The following GTF3C3 variants were observed in gnomAD, a reference collection of about 807,000 sequenced individuals.
GTF3C3 encodes the protein general transcription factor IIIC subunit 3.
GTF3C3 carries 75 observed loss-of-function variants against 105.2 expected under a neutral mutation model. The ratio of observed to expected loss-of-function variants is 0.71; its 90% CI spans 0.59 to 0.86. The LOEUF is 0.86. Among genes scored for constraint, GTF3C3 ranks in the 40% least tolerant of loss-of-function variants. The probability of loss-of-function intolerance (pLI) is 0.00; values close to 1 mark genes in which losing one functional copy is unlikely to be tolerated. For missense variants in GTF3C3, 856 were observed against 1,076.5 expected, an observed-to-expected ratio of 0.80 and a Z score of 2.87; for synonymous variants, 335 against 370.4, an observed-to-expected ratio of 0.90 and a Z score of 1.10.
chr2:196,769,425 T>C (rs1381327047), intron 16 of GTF3C3, among the ~76,000 whole-genome samples: 2 of 152,252 alleles, frequency 1.3e-5, no homozygotes, highest in Non-Finnish European at 2.9e-5. Context: ...TGCTGGACTT[T>C]ATACTTTTAT....
In GTF3C3 at chr2:196,776,461, T is replaced by C. The variant is rs1157427946; in HGVS notation, c.1559A>G (p.Asp520Gly). Reference protein sequence around the residue: ...LEALEPMYDPDTLAQDANAAQ... With the variant: ...LEALEPMYDPGTLAQDANAAQ... ...AGCATTTGCATCCTGTGCTAAAGTA[T>C]CTGGATCATACATTGGTTCCAGAGC... Residue 520 changes from aspartate (D) to glycine (G), a missense_variant, in exon 11 of 18, where the codon GAT (aspartate) becomes GGT (glycine). By Grantham distance (94) the Asp-to-Gly change is moderately conservative. Around this residue, in one of 3 missense-constraint regions of GTF3C3, gnomAD observed 605 missense variants for 833.6 expected, o/e 0.73. Coordinates refer to ENST00000263956, the MANE Select transcript of GTF3C3 (RefSeq NM_012086.5). This position sits in a 1 kb window ranked among gnomAD's most constrained non-coding sequence, Gnocchi z 4.5. The C allele has an allele frequency of 6.2e-7, 1 of 1,614,034 alleles. No homozygotes were observed. The highest frequency in any genetic ancestry group is 8.5e-7 in the Non-Finnish European group (1 of 1,180,024).
rs1445781680 is a variant in GTF3C3 at position 196,780,688 on chromosome 2, G to A, written c.1115-26C>T. 3 of 1,602,188 alleles carry A rather than the reference G, an allele frequency of 1.9e-6. No homozygotes were observed. The Admixed American group carries it at 5.1e-5, about 27-fold the overall frequency. On this transcript the variant is annotated intron_variant, in intron 8 of 17. Coordinates refer to ENST00000263956, the MANE Select transcript of GTF3C3 (RefSeq NM_012086.5). ...CTGGAGAATACACAGACAAGAAGCA[G>A]TTACTATATGCAAGCTTGAGATGTG...
At position 196,771,084 on chromosome 2, in the gene GTF3C3, T is replaced by C. The variant is rs10931755; in HGVS notation, c.2260+664A>G. ...TTTTAAGTTTAAACATTTAGTTAGT[T>C]AGATGTTTTTCTACTTGTTTGCTTC... On this transcript the variant is annotated intron_variant, in intron 15 of 17. Transcript: ENST00000263956. Among the ~76,000 whole-genome samples, 167 of 152,310 alleles carry C rather than the reference T, an allele frequency of 1.1e-3. No homozygotes were observed. In the East Asian group the frequency reaches 0.019, roughly 17 times the overall value.
At chr2:196,770,357 G>C (rs1201435361) in intron 15 of GTF3C3, among the ~76,000 whole-genome samples, 1 of 152,086 alleles carries the variant, frequency 6.6e-6, no homozygotes, top group African/African-American at 2.4e-5. Flanking sequence ...TCTATTTTAT[G>C]ACCTTAAATC....
rs1699259144 is a variant in GTF3C3, at chr2:196,776,365, G to C, written c.1593+62C>G. 1.5e-6 allele frequency: 2 copies of C among 1,339,534 alleles called. No individual in the cohort carries two copies. Among genetic ancestry groups the C allele is most frequent in the East Asian group, 4.6e-5 (2 of 43,324 alleles). 83.0% of individuals were successfully genotyped at this position (1,339,534 alleles called of 1,614,324 possible). A position where few individuals can be genotyped will look rare whatever the true frequency, so the allele number is the denominator to read the frequency against. On this transcript the variant is annotated intron_variant, in intron 11 of 17. Coordinates refer to ENST00000263956, the MANE Select transcript of GTF3C3 (RefSeq NM_012086.5). This position sits in a 1 kb window ranked among gnomAD's most constrained non-coding sequence, Gnocchi z 4.5. The stretch of plus-strand genomic sequence containing the variant: ...ATAAGCTATAGAGACATCCTTAATG[G>C]AGGAGAAAGTTCTAAAATATAATAT...
chr2:196,778,542 A>G (rs1455491931), intron 10 of GTF3C3: 1 of 225,142 alleles, frequency 4.4e-6, no homozygotes, highest in Non-Finnish European at 8.8e-6. Context: ...TTTTCCCAAT[A>G]TAACATATTA....
Position 196,767,223 on chromosome 2 carries a change from A to AT in GTF3C3, c.2386-507dup, listed in dbSNP as rs761513251. Among the ~76,000 whole-genome samples the AT allele has an allele frequency of 4.4e-4, 67 of 152,246 alleles. 1 individual carries two copies. Among genetic ancestry groups the AT allele is most frequent in the Non-Finnish European group, 7.8e-4 (53 of 68,000 alleles). ...TAACCTCTTAACCCAAAAAAACTGGATTTTTTTCTCCTGAAAGCTTCTGAC... is the reference window on the plus strand; with the variant it reads ...TAACCTCTTAACCCAAAAAAACTGGATTTTTTTTCTCCTGAAAGCTTCTGAC... On this transcript the variant is annotated intron_variant, in intron 16 of 17. Coordinates refer to ENST00000263956, the MANE Select transcript of GTF3C3 (RefSeq NM_012086.5).
At chr2:196,784,672 G>C (rs1199171413) in intron 8 of GTF3C3, 185 bp downstream of exon 8, 1 of 402,880 alleles carries the variant, frequency 2.5e-6, no homozygotes, top group African/African-American at 2.2e-5. Context: ...TTTTTTTAAA[G>C]ATTACTTGTA....
At chr2:196,771,593 T>G (rs1699176853) in intron 15 of GTF3C3, among the ~76,000 whole-genome samples, 155 bp downstream of exon 15, 1 of 152,256 alleles carries the variant, frequency 6.6e-6, no homozygotes, top group Non-Finnish European at 1.5e-5. Flanking sequence ...GGTCCAATTA[T>G]TATCTCCATT....
intron 17 of GTF3C3, among the ~76,000 whole-genome samples, chr2:196,765,403 A>C (rs1699043423): frequency 6.6e-6 from 1 of 152,090 alleles, no homozygotes; most frequent in Non-Finnish European, 1.5e-5. Context: ...CACTGTATAA[A>C]CAACCTTTAA....
At chr2:196,767,638 T>A (rs1699090629) in intron 16 of GTF3C3, among the ~76,000 whole-genome samples, 1 of 152,220 alleles carries the variant, frequency 6.6e-6, no homozygotes, top group South Asian at 2.1e-4. Context: ...TCATACTTTC[T>A]GCATAATAAA....
At chr2:196,791,504 T>A in intron 3 of GTF3C3, 44 bp from the exon 4 acceptor site, 1 of 1,516,092 alleles carries the variant, frequency 6.6e-7, no homozygotes, top group Non-Finnish European at 9.0e-7. Context: ...TATAGTGAAG[T>A]CTTAGATTTC....
rs374583173 is a variant in GTF3C3 at position 196,773,100 on chromosome 2, G to A, written c.1885C>T (p.Leu629=). The change falls in exon 14 of 18, where the codon CTG becomes TTG. Residue 629 remains leucine, a synonymous_variant. Transcript: ENST00000263956. Reference sequence around the variant, plus strand: ...CATAAGGAGTATATGGCCTTCAACAGAAGATTCCACCAGTCATCCTTTGTC... The same window carrying A: ...CATAAGGAGTATATGGCCTTCAACAAAAGATTCCACCAGTCATCCTTTGTC... ...VLTKDDWWNL[L]LKAIYSLCDL... The A allele has an allele frequency of 1.9e-6, 3 of 1,612,942 alleles. No individual in the cohort carries two copies. The African/African-American group carries it at 4.0e-5, about 22-fold the overall frequency.
chr2:196,779,090 A>C (rs1482375444), intron 9 of GTF3C3, 23 bp from the exon 10 acceptor site: 1 of 1,599,644 alleles, frequency 6.3e-7, no homozygotes, highest in African/African-American at 1.3e-5. Context: ...TAAAAGCCCC[A>C]AGTTAAACAT....
At chr2:196,799,355 G>A (rs1699706175) in intron 1 of GTF3C3, 155 bp downstream of exon 1, 1 of 629,622 alleles carries the variant, frequency 1.6e-6, no homozygotes, top group East Asian at 2.7e-5. Context: ...GCACAGGGAT[G>A]AGGGGTGAAA....
chr2:196,779,102 C>G lies in GTF3C3; in HGVS notation c.1219-35G>C. The G allele has an allele frequency of 2.7e-6, 4 of 1,493,930 alleles. No homozygotes were observed. The South Asian group carries it at 3.4e-5, about 13-fold the overall frequency. 92.5% of individuals were successfully genotyped at this position (1,493,930 alleles called of 1,614,324 possible). On this transcript the variant is annotated intron_variant, in intron 9 of 17. Coordinates refer to ENST00000263956, the MANE Select transcript of GTF3C3 (RefSeq NM_012086.5). ...AAATAAAAGCCCCAAGTTAAACATT[C>G]ATTACAAACGTGCACATCTATCTAT...
At chr2:196,768,800 G>A (rs1457174388) in intron 16 of GTF3C3, among the ~76,000 whole-genome samples, 1 of 151,938 alleles carries the variant, frequency 6.6e-6, no homozygotes, top group South Asian at 2.1e-4. Context: ...TGAAGTACAT[G>A]AATTTTTGTC....
At chr2:196,787,026 T>TTTC (rs1004841876) in intron 6 of GTF3C3, among the ~76,000 whole-genome samples, 2 of 152,254 alleles carry the variant, frequency 1.3e-5, no homozygotes, top group Admixed American at 6.5e-5. Flanking sequence ...CTCCCAGCTG[T>TTTC]TTCTTCTTCT....
Position 196,772,925 on chromosome 2 carries a change from T to A in GTF3C3, c.2060A>T (p.Asn687Ile). Residue 687 changes from asparagine (N) to isoleucine (I), a missense_variant, in exon 14 of 18, where the codon AAC becomes ATC. Asn to Ile is a moderately radical substitution (Grantham distance 149). Around this residue, in one of 3 missense-constraint regions of GTF3C3, gnomAD observed 605 missense variants for 833.6 expected, o/e 0.73. Coordinates refer to ENST00000263956, the MANE Select transcript of GTF3C3 (RefSeq NM_012086.5). The stretch of plus-strand genomic sequence containing the variant: ...ATAACTGGGAAATCACCTGATATAG[T>A]TGTATGCCTTTCTGAAATTTTTGTC... ...ILDKNFRKAY[N>I]YIRIMVMENV... is the part of the protein sequence containing the mutation. 1 of 1,494,016 alleles carries A rather than the reference T, an allele frequency of 6.7e-7. No homozygotes were observed. The highest frequency in any genetic ancestry group is 9.2e-7 in the Non-Finnish European group (1 of 1,091,486). 92.5% of individuals were successfully genotyped at this position (1,494,016 alleles called of 1,614,324 possible). A position where few individuals can be genotyped will look rare whatever the true frequency, so the allele number is the denominator to read the frequency against.
Sources: gnomAD v4.1 joint callset for allele counts (sites outside exome capture counted in the v4.1 genomes callset) on GRCh38, gnomAD v4.1.1 for gene constraint, gnomAD v4.1.1 regional missense constraint, Gnocchi (gnomAD v3.1) non-coding constraint, MANE v1.5 for transcripts, NCBI Gene and HGNC (gene_info 2026-07-23, HGNC 2026-07-21) for gene names.